The following PLXNA4 variants were observed in gnomAD, a reference collection of about 807,000 sequenced individuals.
PLXNA4 encodes the protein plexin A4, also known as plexin-A4.
PLXNA4 carries 44 observed loss-of-function variants against 191.8 expected under a neutral mutation model. The ratio of observed to expected loss-of-function variants is 0.23; its 90% CI spans 0.18 to 0.29. The LOEUF (loss-of-function observed/expected upper bound fraction) is 0.29, where lower values mean the gene tolerates loss of function less well. Ranked by LOEUF, PLXNA4 falls within the 10% of genes least tolerant of loss-of-function variation. The pLI, the probability that PLXNA4 is intolerant of heterozygous loss-of-function variation, is 1.00. For synonymous variants in PLXNA4, 1,082 were observed against 1,009.5 expected (o/e 1.07, Z -1.36); for missense variants, 1,800 against 2,488.8 (o/e 0.72, Z 5.89).
At chr7:132,402,527 G>A (rs1241653813) in intron 3 of PLXNA4, among the ~76,000 whole-genome samples, 2 of 152,196 alleles carry the variant, frequency 1.3e-5, no homozygotes, top group African/African-American at 4.8e-5. Flanking sequence ...GAGGGGCAGT[G>A]TGCTGCTGCA....
chr7:132,599,075 C>T (rs548952755), intron 2 of PLXNA4, among the ~76,000 whole-genome samples: 1 of 152,240 alleles, frequency 6.6e-6, no homozygotes, highest in South Asian at 2.1e-4. Context: ...ATATTTGCTC[C>T]CTATACTGAC....
At position 132,174,809 on chromosome 7, in the gene PLXNA4, A is replaced by G. The variant is rs1796404619; in HGVS notation, c.3986T>C (p.Ile1329Thr). ...GTCCCGGAGGACAGGGTGGTCTTCA[A>G]TTCCTGGGAACAGCACCCGCATGGT... ...TYTMRVLFPG[I>T]EDHPVLRDLE... The change falls in exon 21 of 32, where the codon ATT becomes ACT. Residue 1329 changes from isoleucine to threonine, a missense_variant. Transcript: ENST00000321063. The G allele has an allele frequency of 6.2e-7, 1 of 1,614,118 alleles. No individual in the cohort carries two copies. The highest frequency in any genetic ancestry group is 8.5e-7 in the Non-Finnish European group (1 of 1,179,962).
At chr7:132,563,030 C>G (rs1448977940) in intron 1 of PLXNA4, among the ~76,000 whole-genome samples, 2 of 106,068 alleles carry the variant, frequency 1.9e-5, no homozygotes, top group Non-Finnish European at 3.9e-5. Context: ...TCCTCTTTCT[C>G]CTCCTCCTTC....
chr7:132,493,747 GTGGATGGATGGATGGATGGATGGATGGA>G (rs369999925), intron 2 of PLXNA4, among the ~76,000 whole-genome samples: 1 of 146,396 alleles, frequency 6.8e-6, no homozygotes, highest in Non-Finnish European at 1.5e-5. Context: ...GGGTGGATGG[GTGGATGGATGGATGGATGGATGGATGGA>G]TGGATGGATG....
At chr7:132,578,000 C>A (rs938688754), upstream of PLXNA4, among the ~76,000 whole-genome samples, 1 of 152,174 alleles carries the variant, frequency 6.6e-6, no homozygotes, top group African/African-American at 2.4e-5. Context: ...GAGCGGCTCT[C>A]CTGGCTCCTC....
At chr7:132,381,919 G>T (rs907548832) in intron 3 of PLXNA4, among the ~76,000 whole-genome samples, 1 of 152,170 alleles carries the variant, frequency 6.6e-6, no homozygotes, top group East Asian at 1.9e-4. Flanking sequence ...ACCCCCGCAG[G>T]CTTCCTGATG....
intron 3 of PLXNA4, among the ~76,000 whole-genome samples, chr7:132,368,246 A>G (rs1420386307): frequency 6.6e-6 from 1 of 152,166 alleles, no homozygotes. Flanking sequence ...ACAGCAGCTT[A>G]TTTGAGTATT....
chr7:132,211,243 A>C, intron 9 of PLXNA4, 100 bp from the exon 10 acceptor site: 1 of 1,298,480 alleles, frequency 7.7e-7, no homozygotes, highest in Non-Finnish European at 1.1e-6. Flanking sequence ...CCACCCTTCC[A>C]TGGACACACC....
intron 3 of PLXNA4, among the ~76,000 whole-genome samples, chr7:132,301,614 A>T (rs187572003): frequency 8.7e-4 from 132 of 152,264 alleles, no homozygotes; most frequent in Non-Finnish European, 1.5e-3. Flanking sequence ...AAAGGCTCAC[A>T]CTGAATCCGG....
chr7:132,316,962 A>C (rs1801966897), intron 3 of PLXNA4, among the ~76,000 whole-genome samples: 1 of 150,688 alleles, frequency 6.6e-6, no homozygotes, highest in Admixed American at 6.6e-5. Context: ...GCATTGGGTT[A>C]GGTTGGGCTG....
Position 132,148,523 on chromosome 7 carries a change from C to A in PLXNA4, c.4764+20G>T. 1 of 1,613,892 alleles carries A rather than the reference C, an allele frequency of 6.2e-7. No homozygotes were observed. The highest frequency in any genetic ancestry group is 8.5e-7 in the Non-Finnish European group (1 of 1,179,872). On this transcript the variant is annotated intron_variant, in intron 26 of 31. Transcript: ENST00000321063. ...GGACTTGTAGTTGGCTAGCTCCTCC[C>A]CTTTCCACATTCCCCTCACCTGGTA...
At chr7:132,464,070 T>C (rs922961627) in intron 3 of PLXNA4, among the ~76,000 whole-genome samples, 1 of 152,226 alleles carries the variant, frequency 6.6e-6, no homozygotes, top group Non-Finnish European at 1.5e-5. Flanking sequence ...TGAATTGCAA[T>C]GTTACTAGGA....
chr7:132,350,046 A>G (rs1803419400), intron 3 of PLXNA4, among the ~76,000 whole-genome samples: 1 of 152,178 alleles, frequency 6.6e-6, no homozygotes, highest in Non-Finnish European at 1.5e-5. Flanking sequence ...ACATTCTCTG[A>G]GTGAATCTTC....
At chr7:132,168,594 G>C in intron 21 of PLXNA4, 22 bp from the exon 22 acceptor site, 1 of 1,546,478 alleles carries the variant, frequency 6.5e-7, no homozygotes, top group Non-Finnish European at 8.7e-7. Flanking sequence ...CCTAGGAGTC[G>C]TGATGCCATT....
At chr7:132,148,763 C>G in intron 25 of PLXNA4, 117 bp from the exon 26 acceptor site, 1 of 1,441,796 alleles carries the variant, frequency 6.9e-7, no homozygotes, top group Non-Finnish European at 9.2e-7. Flanking sequence ...ATTGCAAGTG[C>G]TAGCACATGC....
At chr7:132,148,353 G>A (rs1795496205) in intron 26 of PLXNA4, among the ~76,000 whole-genome samples, 190 bp downstream of exon 26, 1 of 152,184 alleles carries the variant, frequency 6.6e-6, no homozygotes, top group South Asian at 2.1e-4. Flanking sequence ...TGCATGTCAG[G>A]ATGCTATCTC....
intron 10 of PLXNA4, among the ~76,000 whole-genome samples, chr7:132,208,426 C>G (rs970906706): frequency 6.6e-6 from 1 of 152,202 alleles, no homozygotes; most frequent in African/African-American, 2.4e-5. Flanking sequence ...AAGCAGTGAC[C>G]TGGGGGGCAC....
chr7:132,414,176 C>T (rs892900679), intron 3 of PLXNA4, among the ~76,000 whole-genome samples: 2 of 152,160 alleles, frequency 1.3e-5, no homozygotes, highest in Non-Finnish European at 2.9e-5. Flanking sequence ...GACATGAGTC[C>T]AAGTTCATTA....
At chr7:132,403,644 ACT>A (rs1274094564) in intron 3 of PLXNA4, among the ~76,000 whole-genome samples, 1 of 151,102 alleles carries the variant, frequency 6.6e-6, no homozygotes, top group Non-Finnish European at 1.5e-5. Flanking sequence ...CTTTTCCTCC[ACT>A]CTCTCTCTCC....
Sources: allele counts gnomAD v4.1 joint callset (sites outside exome capture counted in the v4.1 genomes callset), GRCh38; gene constraint gnomAD v4.1.1; transcripts MANE v1.5; gene names NCBI Gene and HGNC (gene_info 2026-07-23, HGNC 2026-07-21).